The following HTR4 variants were observed in gnomAD, a reference collection of about 807,000 sequenced individuals.
The protein encoded by HTR4 is 5-hydroxytryptamine receptor 4.
A neutral mutation model predicts 36.8 loss-of-function variants in HTR4; 16 were observed. The ratio of observed to expected loss-of-function variants is 0.43; its 90% CI spans 0.29 to 0.66. The LOEUF is 0.66. HTR4 is among the 30% of genes least tolerant of loss of function. The pLI is 0.13. For synonymous variants in HTR4, 189 were observed against 185.1 expected (o/e 1.02, Z -0.17); for missense variants, 438 against 490.9 (o/e 0.89, Z 1.02).
chr5:148,530,968 T>C (rs921728841), intron 4 of HTR4, among the ~76,000 whole-genome samples: 1 of 152,234 alleles, frequency 6.6e-6, no homozygotes, highest in Admixed American at 6.5e-5. Context: ...AGCCCCTTTG[T>C]TTTGCTCAAT....
chr5:148,586,885 C>A (rs145326688), intron 2 of HTR4, among the ~76,000 whole-genome samples: 1 of 152,138 alleles, frequency 6.6e-6, no homozygotes, highest in East Asian at 1.9e-4. Flanking sequence ...TCTCTGCTGC[C>A]CTAATCCTCT....
Position 148,482,777 on chromosome 5 carries a change from A to G in HTR4, c.*426T>C. On this transcript the variant is annotated 3_prime_UTR_variant, in exon 7 of 7. Transcript: ENST00000377888. ...CGACGCCTCTGGCTAAGACAGGAAC[A>G]GAGAGGGAGTATTTTGTTGATATCT... 1 of 1,040,318 alleles carries G rather than the reference A, an allele frequency of 9.6e-7. No homozygotes were observed. Among genetic ancestry groups the G allele is most frequent in the Non-Finnish European group, 1.2e-6 (1 of 861,174 alleles). The allele number at this position is 1,040,318 out of a possible 1,614,324, so 64.4% of individuals were successfully genotyped here.
intron 2 of HTR4, among the ~76,000 whole-genome samples, chr5:148,633,641 T>G (rs1292950439): frequency 6.6e-6 from 1 of 151,802 alleles, no homozygotes; most frequent in East Asian, 1.9e-4. Context: ...TTGGTTTTCT[T>G]TTATCACCGT....
intron 2 of HTR4, among the ~76,000 whole-genome samples, chr5:148,605,175 G>T (rs1037035188): frequency 6.6e-6 from 1 of 151,568 alleles, no homozygotes; most frequent in Admixed American, 6.6e-5. Flanking sequence ...TCCCCTGCTT[G>T]GTCTCTTGGG....
chr5:148,608,244 G>T (rs1300975434), intron 2 of HTR4, among the ~76,000 whole-genome samples: 3 of 152,136 alleles, frequency 2.0e-5, no homozygotes, highest in Non-Finnish European at 4.4e-5. Flanking sequence ...AATAAGCAGT[G>T]CCTGCCTTCA....
At chr5:148,519,110 C>A (rs977980547) in intron 5 of HTR4, among the ~76,000 whole-genome samples, 4 of 152,026 alleles carry the variant, frequency 2.6e-5, no homozygotes, top group Non-Finnish European at 5.9e-5. Context: ...CCATTACGAG[C>A]TTAGACTTTG....
In HTR4 at chr5:148,592,475, C is replaced by T. The variant is rs560835813; in HGVS notation, c.27-42213G>A. Among the ~76,000 whole-genome samples the T allele has an allele frequency of 2.6e-5, 4 of 151,578 alleles. No homozygotes were observed. The South Asian group carries it at 8.3e-4, about 32-fold the overall frequency. ...TCTCAGCTCTCTAAGGATAAAAGCC[C>T]CATGTCTTCTAGTCTGTACTGTTGC... On this transcript the variant is annotated intron_variant, in intron 2 of 6. Transcript: ENST00000377888.
chr5:148,457,843 A>T (rs903648365), intron 5 of HTR4, among the ~76,000 whole-genome samples: 3 of 141,294 alleles, frequency 2.1e-5, no homozygotes, highest in Non-Finnish European at 4.5e-5. Context: ...ATTTTGTTAT[A>T]TCATTAAAAT....
chr5:148,610,153 C>T (rs1253094899), intron 2 of HTR4, among the ~76,000 whole-genome samples: 1 of 152,144 alleles, frequency 6.6e-6, no homozygotes, highest in African/African-American at 2.4e-5. Flanking sequence ...CTTCTTCAGC[C>T]CTCATAGTCT....
At chr5:148,586,263 A>T (rs905906793) in intron 2 of HTR4, among the ~76,000 whole-genome samples, 3 of 152,146 alleles carry the variant, frequency 2.0e-5, no homozygotes, top group African/African-American at 7.2e-5. Context: ...TGTTAGCTCT[A>T]GAATTCTAGG....
At chr5:148,467,066 G>A (rs772190219) in intron 5 of HTR4, among the ~76,000 whole-genome samples, 2 of 152,114 alleles carry the variant, frequency 1.3e-5, no homozygotes, top group Non-Finnish European at 2.9e-5. Context: ...TGCATGTCAT[G>A]CTTCTCTGAA....
At chr5:148,492,071 G>T (rs1283520543) in intron 6 of HTR4, among the ~76,000 whole-genome samples, 1 of 152,162 alleles carries the variant, frequency 6.6e-6, no homozygotes, top group Admixed American at 6.5e-5. Flanking sequence ...ACCACGTTGG[G>T]CATTTCTGGA....
chr5:148,604,079 G>C (rs1752037626), intron 2 of HTR4, among the ~76,000 whole-genome samples: 1 of 151,994 alleles, frequency 6.6e-6, no homozygotes, highest in Non-Finnish European at 1.5e-5. Context: ...AGTTTCTAGA[G>C]AAAAACTTAT....
At chr5:148,483,824 T>C (rs1305213631) in intron 6 of HTR4, among the ~76,000 whole-genome samples, 1 of 152,190 alleles carries the variant, frequency 6.6e-6, no homozygotes, top group East Asian at 1.9e-4. Flanking sequence ...TTTCTAAAAA[T>C]GGTAATAAGT....
chr5:148,579,010 C>A (rs886197455), intron 2 of HTR4, among the ~76,000 whole-genome samples: 2 of 151,984 alleles, frequency 1.3e-5, no homozygotes, highest in African/African-American at 4.8e-5. Flanking sequence ...TGTAGCAATG[C>A]CCAGTCTTTT....
In HTR4 at chr5:148,482,597, C is replaced by G. The variant is rs1230839669; in HGVS notation, c.*606G>C. On this transcript the variant is annotated 3_prime_UTR_variant, in exon 7 of 7. Coordinates refer to ENST00000377888, the MANE Select transcript of HTR4 (RefSeq NM_000870.7). ...AGGAAGAGCAAGTGGACGTCTGGGA[C>G]TGACAAGGGGGCCAACCAAGAGGAT... is the stretch of plus-strand genomic sequence containing the variant. 1.0e-6 allele frequency: 1 copy of G among 986,920 alleles called. No individual in the cohort carries two copies. Among genetic ancestry groups the G allele is most frequent in the Admixed American group, 6.0e-5 (1 of 16,638 alleles). The allele number at this position is 986,920 out of a possible 1,614,324, so 61.1% of individuals were successfully genotyped here. A position where few individuals can be genotyped will look rare whatever the true frequency, so the allele number is the denominator to read the frequency against.
At chr5:148,589,886 A>G (rs1761491942) in intron 2 of HTR4, among the ~76,000 whole-genome samples, 1 of 152,144 alleles carries the variant, frequency 6.6e-6, no homozygotes, top group Non-Finnish European at 1.5e-5. Flanking sequence ...AGCAATTTTT[A>G]AGTATACAAT....
At chr5:148,548,297 C>T (rs1377386391) in intron 4 of HTR4, among the ~76,000 whole-genome samples, 2 of 152,120 alleles carry the variant, frequency 1.3e-5, no homozygotes, top group Non-Finnish European at 2.9e-5. Context: ...CTGAACCACC[C>T]CTGCTGCCCT....
At position 148,627,188 on chromosome 5, in the gene HTR4, T is replaced by C. The variant is rs114502998; in HGVS notation, c.26+9801A>G. 1.0e-3 allele frequency among the ~76,000 whole-genome samples: 159 copies of C among 152,314 alleles called. 2 individuals are homozygous for C. The highest frequency in any genetic ancestry group is 3.5e-3 in the African/African-American group (145 of 41,572). On this transcript the variant is annotated intron_variant, in intron 2 of 6. Coordinates refer to ENST00000377888, the MANE Select transcript of HTR4 (RefSeq NM_000870.7). ...TGTCAACCCTGTAACCCTATTTGCA[T>C]TCAGTGTCAGTCATGCTTCCTACAT...
Sources: gnomAD v4.1 joint callset for allele counts (sites outside exome capture counted in the v4.1 genomes callset) on GRCh38, gnomAD v4.1.1 for gene constraint, MANE v1.5 for transcripts, NCBI Gene and HGNC (gene_info 2026-07-23, HGNC 2026-07-21) for gene names.